MPDZ: variants seen among roughly 807,000 people sequenced by gnomAD.
The protein encoded by MPDZ is multiple PDZ domain crumbs cell polarity complex component, also known as multiple PDZ domain protein.
In MPDZ, 234 loss-of-function variants were observed where a neutral mutation model predicts 239.1. That is an observed-to-expected ratio of 0.98 (90% CI 0.88 to 1.09). The LOEUF is 1.09. Ranked by LOEUF, MPDZ falls within the 50% of genes least tolerant of loss-of-function variation. The pLI is 0.00. For synonymous variants in MPDZ, 1,048 were observed against 881.3 expected, an observed-to-expected ratio of 1.19 and a Z score of -3.35; for missense variants, 3,175 against 2,510.0, an observed-to-expected ratio of 1.26 and a Z score of -5.66.
At chr9:13,150,769 C>A (rs1438035990) in intron 24 of MPDZ, 81 bp from the exon 25 acceptor site, 6 of 951,346 alleles carry the variant, frequency 6.3e-6, no homozygotes, top group Non-Finnish European at 1.4e-6. Flanking sequence ...GCAATGATTT[C>A]TTATATATAA....
chr9:13,260,404 G>A (rs74950079), intron 1 of MPDZ, among the ~76,000 whole-genome samples: 19 of 152,204 alleles, frequency 1.2e-4, no homozygotes, highest in Middle Eastern at 3.4e-3. Context: ...CCACCTTTCC[G>A]GGCTTTGGTT....
chr9:13,126,684 GC>G lies in MPDZ; in HGVS notation c.4552del (p.Ala1518ProfsTer15). 6.2e-7 allele frequency: 1 copy of G among 1,613,570 alleles called. No homozygotes were observed. Among genetic ancestry groups the G allele is most frequent in the Non-Finnish European group, 8.5e-7 (1 of 1,179,614 alleles). On this transcript the variant is annotated frameshift_variant, in exon 33 of 47. Coordinates refer to ENST00000319217, the MANE Select transcript of MPDZ (RefSeq NM_001378778.1). LOFTEE classifies it high-confidence loss of function. ...IKSLTEHGVA[A>X]TDGRLKVGDQ... Reference sequence around the variant, plus strand: ...AGCAAGAAAGGTAAACCTCACCGTGGCTGCTACCCCATGCTCTGTTAAGCTC... The same window carrying G: ...AGCAAGAAAGGTAAACCTCACCGTGGTGCTACCCCATGCTCTGTTAAGCTC...
rs751289887 is a variant in MPDZ, at chr9:13,107,117, A to T, written c.6067-6T>A. The T allele has an allele frequency of 1.9e-6, 3 of 1,561,012 alleles. No homozygotes were observed. The East Asian group carries it at 6.8e-5, about 36-fold the overall frequency. Reference sequence around the variant, plus strand: ...CCGTCTTCAGAGGCTGCTCCCTGCAAATTATAAAGTAGACTTGTTTATTTC... The same window carrying T: ...CCGTCTTCAGAGGCTGCTCCCTGCATATTATAAAGTAGACTTGTTTATTTC... On this transcript the variant is annotated splice_region_variant and splice_polypyrimidine_tract_variant and intron_variant, in intron 46 of 46. Transcript: ENST00000319217.
At chr9:13,215,955 T>G (rs1250471954) in intron 10 of MPDZ, among the ~76,000 whole-genome samples, 1 of 146,612 alleles carries the variant, frequency 6.8e-6, no homozygotes, top group East Asian at 2.0e-4. Flanking sequence ...GTTTTTTTTT[T>G]TTTTTTTTTT....
In MPDZ at chr9:13,126,920, T is replaced by C. The variant is rs749006138; in HGVS notation, c.4465-148A>G. 9.4e-6 allele frequency: 6 copies of C among 640,988 alleles called. No homozygotes were observed. The East Asian group carries it at 1.1e-4, about 12-fold the overall frequency. 39.7% of individuals were successfully genotyped at this position (640,988 alleles called of 1,614,324 possible). ...CTTTAAATCTAAGATCTTAGAAATC[T>C]TGTCTTTTCTTAAACAAACTTTCAA... is the stretch of plus-strand genomic sequence containing the variant. On this transcript the variant is annotated intron_variant, in intron 32 of 46. Transcript: ENST00000319217.
In MPDZ at chr9:13,217,255, A is replaced by G. The variant is rs1445429552; in HGVS notation, c.1126T>C (p.Phe376Leu). ...STQKGEESET[F>L]DVELTKNVQG... ...ACATTTTTAGTGAGTTCTACATCAA[A>G]TGTCTCACTTTCTTCACCTTTCTGA... The change falls in exon 9 of 47, where the codon TTT (phenylalanine) becomes CTT (leucine). Residue 376 changes from phenylalanine to leucine, a missense_variant. By Grantham distance (22) the Phe-to-Leu change is conservative. Transcript: ENST00000319217. 15 of 1,603,506 alleles carry G rather than the reference A, an allele frequency of 9.4e-6. No individual in the cohort carries two copies. In the East Asian group the frequency reaches 3.4e-4, roughly 36 times the overall value.
intron 24 of MPDZ, among the ~76,000 whole-genome samples, chr9:13,153,092 T>C (rs1473869991): frequency 6.6e-6 from 1 of 152,086 alleles, no homozygotes; most frequent in East Asian, 1.9e-4. Flanking sequence ...ACACTGACAT[T>C]TAAGGAGTTC....
intron 23 of MPDZ, among the ~76,000 whole-genome samples, chr9:13,161,495 C>T (rs1157612833): frequency 6.6e-6 from 1 of 151,938 alleles, no homozygotes; most frequent in Non-Finnish European, 1.5e-5. Flanking sequence ...CACTTGAACC[C>T]GGGAGGCAGA....
At chr9:13,137,641 T>A (rs1040116228) in intron 29 of MPDZ, among the ~76,000 whole-genome samples, 1 of 152,250 alleles carries the variant, frequency 6.6e-6, no homozygotes, top group Admixed American at 6.5e-5. Flanking sequence ...GACTGGTCAC[T>A]TGGCTTTTCA....
chr9:13,267,984 T>C (rs1330715765), intron 1 of MPDZ, among the ~76,000 whole-genome samples: 1 of 152,168 alleles, frequency 6.6e-6, no homozygotes, highest in East Asian at 1.9e-4. Flanking sequence ...TCTGAGTCAC[T>C]TTCCTTGTGA....
chr9:13,149,251 G>T (rs1397353795), intron 25 of MPDZ, among the ~76,000 whole-genome samples: 1 of 151,862 alleles, frequency 6.6e-6, no homozygotes, highest in Non-Finnish European at 1.5e-5. Flanking sequence ...TCCGTCTAAG[G>T]CTCTCAAAGA....
At chr9:13,121,058 C>T (rs1295066026) in intron 38 of MPDZ, among the ~76,000 whole-genome samples, 5 of 152,192 alleles carry the variant, frequency 3.3e-5, no homozygotes, top group Non-Finnish European at 7.3e-5. Context: ...ATATTACTTA[C>T]ATGTAAATAC....
intron 1 of MPDZ, among the ~76,000 whole-genome samples, chr9:13,257,670 T>C (rs963530119): frequency 2.6e-5 from 4 of 152,196 alleles, no homozygotes; most frequent in Admixed American, 1.3e-4. Context: ...ATGGCAGGGC[T>C]GAAGGACACT....
At chr9:13,265,511 G>A (rs1333841359) in intron 1 of MPDZ, among the ~76,000 whole-genome samples, 1 of 152,220 alleles carries the variant, frequency 6.6e-6, no homozygotes, top group Non-Finnish European at 1.5e-5. Flanking sequence ...AGAGGCTGCG[G>A]TAAGCCGAGA....
intron 19 of MPDZ, 134 bp from the exon 20 acceptor site, chr9:13,176,551 A>C: frequency 1.3e-6 from 1 of 794,278 alleles, no homozygotes; most frequent in Admixed American, 3.2e-5. Context: ...CTCAAAAAGC[A>C]TTAACAAACA....
At chr9:13,276,570 G>A (rs572003423) in intron 1 of MPDZ, 2 of 152,146 alleles carry the variant, frequency 1.3e-5, no homozygotes, top group Admixed American at 1.3e-4. Flanking sequence ...TCACTCATAC[G>A]CACCATCAAG....
intron 10 of MPDZ, among the ~76,000 whole-genome samples, chr9:13,215,912 C>T (rs570047717): frequency 1.3e-3 from 197 of 146,634 alleles, no homozygotes; most frequent in Middle Eastern, 3.6e-3. Context: ...GGACTACAGG[C>T]AGACAACATC....
chr9:13,258,946 C>A (rs2138578450), intron 1 of MPDZ, among the ~76,000 whole-genome samples: 1 of 152,098 alleles, frequency 6.6e-6, no homozygotes, highest in Non-Finnish European at 1.5e-5. Flanking sequence ...GATAAATTAC[C>A]TGAAATGGAA....
At chr9:13,221,165 T>A (rs1041909616) in intron 7 of MPDZ, among the ~76,000 whole-genome samples, 1 of 151,976 alleles carries the variant, frequency 6.6e-6, no homozygotes, top group African/African-American at 2.4e-5. Flanking sequence ...TCTAAAACTA[T>A]AACTTAAGAT....
Sources: allele counts gnomAD v4.1 joint callset (sites outside exome capture counted in the v4.1 genomes callset), GRCh38; gene constraint gnomAD v4.1.1; transcripts MANE v1.5; gene names NCBI Gene and HGNC (gene_info 2026-07-23, HGNC 2026-07-21).